The following MAPKAP1 variants were observed in gnomAD, a reference collection of about 807,000 sequenced individuals.
MAPKAP1 encodes the protein target of rapamycin complex 2 subunit MAPKAP1.
Under a neutral mutation model 65.7 loss-of-function variants are expected in MAPKAP1, and 20 were observed. That is an observed-to-expected ratio of 0.30 (90% CI 0.21 to 0.44). The LOEUF is 0.44. Among genes scored for constraint, MAPKAP1 ranks in the 20% least tolerant of loss-of-function variants. MAPKAP1 has a pLI of 1.00. For missense variants in MAPKAP1, 423 were observed against 648.0 expected, an observed-to-expected ratio of 0.65 and a Z score of 3.77; for synonymous variants, 222 against 244.3, an observed-to-expected ratio of 0.91 and a Z score of 0.85.
intron 5 of MAPKAP1, 101 bp downstream of exon 5, chr9:125,585,454 G>C: frequency 7.9e-7 from 1 of 1,260,256 alleles, no homozygotes; most frequent in Non-Finnish European, 1.1e-6. Context: ...GCAGAAGTGT[G>C]GTTCCAGGCC....
chr9:125,477,854 T>C (rs1015070485), intron 9 of MAPKAP1, among the ~76,000 whole-genome samples: 1 of 152,160 alleles, frequency 6.6e-6, no homozygotes, highest in Non-Finnish European at 1.5e-5. Flanking sequence ...GGATCAGGTA[T>C]ATGGAAGACC....
intron 4 of MAPKAP1, among the ~76,000 whole-genome samples, chr9:125,626,016 C>T (rs1368725923): frequency 2.0e-5 from 3 of 152,052 alleles, no homozygotes; most frequent in Non-Finnish European, 4.4e-5. Context: ...TATAAAAAGT[C>T]CATATCATTA....
At position 125,585,571 on chromosome 9, in the gene MAPKAP1, G is replaced by A. The variant is rs771286674; in HGVS notation, c.655C>T (p.Arg219Trp). ...LICWQYTSEG[R>W]EPKLNDNVSA... ...ATGGATTACTTGAGCTTCGGCTCCC[G>A]TCCTTCGCTTGTATACTGCCAGCAG... is the stretch of plus-strand genomic sequence containing the variant. Residue 219 changes from arginine (R) to tryptophan (W), a missense_variant, in exon 5 of 12, where the codon CGG (arginine) becomes TGG (tryptophan). By Grantham distance (101) the Arg-to-Trp change is moderately radical. This residue lies in a region of MAPKAP1 where 98 missense variants were observed against 200.5 expected (regional missense o/e 0.49). Transcript: ENST00000265960. 5.0e-6 allele frequency: 8 copies of A among 1,614,014 alleles called. No homozygotes were observed. Among genetic ancestry groups the A allele is most frequent in the East Asian group, 4.5e-5 (2 of 44,874 alleles).
At chr9:125,526,159 A>G (rs916512793) in intron 7 of MAPKAP1, among the ~76,000 whole-genome samples, 1 of 152,202 alleles carries the variant, frequency 6.6e-6, no homozygotes, top group Non-Finnish European at 1.5e-5. Flanking sequence ...CAGGGTTTAC[A>G]TTTTAAGTAA....
chr9:125,538,329 G>C (rs1037449548), intron 7 of MAPKAP1, among the ~76,000 whole-genome samples: 4 of 152,252 alleles, frequency 2.6e-5, no homozygotes, highest in Admixed American at 1.3e-4. Flanking sequence ...CAACAGAGAC[G>C]AAGACAACTA....
At chr9:125,584,409 C>T (rs1261303203) in intron 5 of MAPKAP1, among the ~76,000 whole-genome samples, 7 of 152,138 alleles carry the variant, frequency 4.6e-5, no homozygotes, top group Non-Finnish European at 7.4e-5. Context: ...CATACTAACT[C>T]TGAAAATGTG....
At chr9:125,609,333 G>C (rs1443625760) in intron 4 of MAPKAP1, among the ~76,000 whole-genome samples, 2 of 152,060 alleles carry the variant, frequency 1.3e-5, no homozygotes. Flanking sequence ...GACCCAAAGG[G>C]GTAGGGATAT....
At chr9:125,643,208 T>C (rs1464875373) in intron 4 of MAPKAP1, among the ~76,000 whole-genome samples, 3 of 150,248 alleles carry the variant, frequency 2.0e-5, no homozygotes, top group South Asian at 2.1e-4. Flanking sequence ...CGTTTTTTTT[T>C]TGGGGGGAGG....
At chr9:125,625,507 T>C (rs1289490928) in intron 4 of MAPKAP1, among the ~76,000 whole-genome samples, 1 of 152,028 alleles carries the variant, frequency 6.6e-6, no homozygotes, top group Non-Finnish European at 1.5e-5. Context: ...AAAACTGAGG[T>C]AGGACTGCTG....
chr9:125,551,064 G>T (rs1830570008), intron 6 of MAPKAP1, among the ~76,000 whole-genome samples: 1 of 152,082 alleles, frequency 6.6e-6, no homozygotes, highest in African/African-American at 2.4e-5. Flanking sequence ...TACTGATGGG[G>T]TGTGGCCAAT....
At chr9:125,508,695 AT>A (rs1418527625) in intron 7 of MAPKAP1, among the ~76,000 whole-genome samples, 1 of 152,054 alleles carries the variant, frequency 6.6e-6, no homozygotes, top group East Asian at 1.9e-4. Context: ...CTACAAAAAA[AT>A]TTTTTTAAAT....
At chr9:125,575,308 A>G (rs902276498) in intron 5 of MAPKAP1, among the ~76,000 whole-genome samples, 2 of 152,150 alleles carry the variant, frequency 1.3e-5, no homozygotes, top group African/African-American at 4.8e-5. Context: ...GCTGCAGTGA[A>G]CTGTAATTGC....
At chr9:125,698,278 AATATATATAAATATATATATATATAT>A (rs1179508645) in intron 1 of MAPKAP1, among the ~76,000 whole-genome samples, 31 of 26,596 alleles carry the variant, frequency 1.2e-3, no homozygotes, top group Non-Finnish European at 1.0e-3. Flanking sequence ...TATAATACAT[AATATATATAAATATATATATATATAT>A]ATATATATAT....
chr9:125,596,071 T>G, intron 4 of MAPKAP1: 1 of 1,145,786 alleles, frequency 8.7e-7, no homozygotes, highest in Non-Finnish European at 1.3e-6. Context: ...GTGATTGAAA[T>G]CACGACTGAC....
intron 6 of MAPKAP1, among the ~76,000 whole-genome samples, chr9:125,557,756 C>T (rs1334234989): frequency 6.6e-6 from 1 of 152,182 alleles, no homozygotes; most frequent in East Asian, 1.9e-4. Flanking sequence ...TGACAACTGT[C>T]TCACTACTAG....
intron 1 of MAPKAP1, among the ~76,000 whole-genome samples, chr9:125,695,521 G>C (rs573518183): frequency 6.6e-6 from 1 of 152,220 alleles, no homozygotes; most frequent in Non-Finnish European, 1.5e-5. Context: ...GAATGCTTTG[G>C]ACAGAAGTAG....
intron 7 of MAPKAP1, among the ~76,000 whole-genome samples, chr9:125,509,973 T>C (rs1198558089): frequency 6.6e-6 from 1 of 152,260 alleles, no homozygotes; most frequent in Non-Finnish European, 1.5e-5. Flanking sequence ...CTATTAAAAT[T>C]AGTTTTCTGA....
intron 1 of MAPKAP1, among the ~76,000 whole-genome samples, chr9:125,698,298 TATATATATATATATATATA>T (rs1400142873): frequency 7.8e-5 from 1 of 12,846 alleles, no homozygotes; most frequent in Non-Finnish European, 1.7e-4. Context: ...AATATATATA[TATATATATATATATATATA>T]TATATATATA....
At chr9:125,503,297 T>C (rs187617158) in intron 8 of MAPKAP1, among the ~76,000 whole-genome samples, 1 of 152,358 alleles carries the variant, frequency 6.6e-6, no homozygotes, top group East Asian at 1.9e-4. Context: ...TGGCAAACCC[T>C]GGACTTCTTT....
Sources: allele counts gnomAD v4.1 joint callset (sites outside exome capture counted in the v4.1 genomes callset), GRCh38; gene constraint gnomAD v4.1.1; regional missense constraint gnomAD v4.1.1; transcripts MANE v1.5; gene names NCBI Gene and HGNC (gene_info 2026-07-23, HGNC 2026-07-21).